The following CTNNA2 variants were observed in gnomAD, a reference collection of about 807,000 sequenced individuals.
CTNNA2 encodes the protein catenin alpha-2.
Under a neutral mutation model 101.0 loss-of-function variants are expected in CTNNA2, and 42 were observed. The ratio of observed to expected loss-of-function variants is 0.42; its 90% CI spans 0.32 to 0.54. CTNNA2 has a LOEUF of 0.54. Ranked by LOEUF, CTNNA2 falls within the 20% of genes least tolerant of loss-of-function variation. CTNNA2 has a pLI of 0.14. For synonymous variants in CTNNA2, 450 were observed against 456.4 expected, an observed-to-expected ratio of 0.99 and a Z score of 0.18; for missense variants, 871 against 1,223.1, an observed-to-expected ratio of 0.71 and a Z score of 4.29.
At chr2:80,375,562 CTTTTTTT>C (rs199662476) in intron 7 of CTNNA2, among the ~76,000 whole-genome samples, 2,947 of 105,600 alleles carry the variant, frequency 0.028, 99 homozygotes, top group East Asian at 0.15. Context: ...TTTCTGGCTT[CTTTTTTT>C]TTTTTTTTTT....
At chr2:79,942,599 G>C (rs1328387037) in intron 7 of CTNNA2, among the ~76,000 whole-genome samples, 2 of 152,136 alleles carry the variant, frequency 1.3e-5, no homozygotes, top group Non-Finnish European at 2.9e-5. Context: ...AGGAGGTCTT[G>C]CCAATAATAT....
chr2:80,244,993 ATTG>A (rs542408882), intron 7 of CTNNA2, among the ~76,000 whole-genome samples: 56 of 152,206 alleles, frequency 3.7e-4, no homozygotes, highest in Middle Eastern at 3.4e-3. Context: ...GGGCGTTTTT[ATTG>A]TTCAGACACT....
chr2:79,699,816 C>CAA lies in CTNNA2; in HGVS notation c.103-44570_103-44569insAA, dbSNP rs1223954847. On this transcript the variant is annotated intron_variant, in intron 2 of 18. Transcript: ENST00000402739. ...ACACACACACACACACACACACACA[C>CAA]ACACACACACACACACGTGTGTGTA... Among the ~76,000 whole-genome samples, 313 of 119,724 alleles carry CAA rather than the reference C, an allele frequency of 2.6e-3. 3 individuals are homozygous for CAA. Among genetic ancestry groups the CAA allele is most frequent in the African/African-American group, 8.2e-3 (279 of 34,124 alleles). 78.5% of individuals were successfully genotyped at this position (119,724 alleles called of 152,430 possible).
chr2:79,483,192 A>G (rs1056698190), intron 4 of CTNNA2, among the ~76,000 whole-genome samples: 4 of 152,238 alleles, frequency 2.6e-5, no homozygotes, highest in African/African-American at 9.6e-5. Flanking sequence ...GTGAAAAGAA[A>G]TATGTTGAGC....
Position 80,302,397 on chromosome 2 carries a change from G to C in CTNNA2, c.1057-90814G>C. On this transcript the variant is annotated intron_variant, in intron 7 of 18. Transcript: ENST00000402739. This position sits in a 1 kb window ranked among gnomAD's most constrained non-coding sequence, Gnocchi z 6.4. ...ATGGCAGCCATCTGATGCATGGTCT[G>C]TTTCTGCTTTTGCTTCCTGCGCTGC... The C allele has an allele frequency of 2.5e-6, 4 of 1,614,248 alleles. No individual in the cohort carries two copies. Among genetic ancestry groups the C allele is most frequent in the Non-Finnish European group, 3.4e-6 (4 of 1,180,040 alleles).
chr2:80,403,192 T>C (rs1443056837), intron 8 of CTNNA2, among the ~76,000 whole-genome samples: 5 of 152,226 alleles, frequency 3.3e-5, no homozygotes, highest in Non-Finnish European at 7.3e-5. Context: ...ACTGATTCTG[T>C]CTGTATTTAC....
At chr2:80,391,252 G>A (rs1677486580) in intron 7 of CTNNA2, among the ~76,000 whole-genome samples, 1 of 151,492 alleles carries the variant, frequency 6.6e-6, no homozygotes, top group South Asian at 2.1e-4. Context: ...TCTTCACTCT[G>A]TTCACACCAG....
intron 7 of CTNNA2, among the ~76,000 whole-genome samples, chr2:80,017,279 T>A (rs899183800): frequency 6.6e-6 from 1 of 152,064 alleles, no homozygotes. Flanking sequence ...CTAGTAGGTG[T>A]GCAACTAATA....
intron 2 of CTNNA2, among the ~76,000 whole-genome samples, chr2:79,741,923 G>A (rs1287446589): frequency 2.0e-5 from 3 of 152,084 alleles, no homozygotes; most frequent in African/African-American, 7.2e-5. Context: ...AGCTGATTAT[G>A]ACATGAGCCT....
intron 7 of CTNNA2, among the ~76,000 whole-genome samples, chr2:80,272,159 G>A (rs993148742): frequency 2.6e-5 from 4 of 152,146 alleles, no homozygotes; most frequent in African/African-American, 9.7e-5. Context: ...CCTTATAAAT[G>A]TATTATTCAT....
At chr2:79,475,093 T>G (rs554654014) in intron 4 of CTNNA2, among the ~76,000 whole-genome samples, 1,645 of 102,986 alleles carry the variant, frequency 0.016, 14 homozygotes, top group Middle Eastern at 0.039. Flanking sequence ...AAGTGAAGAC[T>G]CTGAGGAATT....
Position 80,417,129 on chromosome 2 carries a change from G to A in CTNNA2, c.1138-2320G>A, listed in dbSNP as rs2044303. Among the ~76,000 whole-genome samples, 195 of 151,524 alleles carry A rather than the reference G, an allele frequency of 1.3e-3. 2 individuals are homozygous for A. Among genetic ancestry groups the A allele is most frequent in the African/African-American group, 4.1e-3 (171 of 41,380 alleles). On this transcript the variant is annotated intron_variant, in intron 8 of 18. Coordinates refer to ENST00000402739, the MANE Select transcript of CTNNA2 (RefSeq NM_001282597.3). ...CATTATTTCAGATTGTAGGTTATTT[G>A]TTTAATTTTAAATTTTTAATTTTTC... is the stretch of plus-strand genomic sequence containing the variant.
intron 7 of CTNNA2, among the ~76,000 whole-genome samples, chr2:80,017,051 G>A (rs1247585256): frequency 6.6e-6 from 1 of 152,176 alleles, no homozygotes; most frequent in Non-Finnish European, 1.5e-5. Context: ...AAGCCTACAA[G>A]GCAAAAACGT....
At chr2:79,490,386 G>A (rs1262591816) in intron 4 of CTNNA2, among the ~76,000 whole-genome samples, 1 of 152,118 alleles carries the variant, frequency 6.6e-6, no homozygotes, top group African/African-American at 2.4e-5. Context: ...GTCATTGGAT[G>A]CTGCACATCC....
chr2:80,409,290 T>G (rs1679345836), intron 8 of CTNNA2, among the ~76,000 whole-genome samples: 1 of 151,974 alleles, frequency 6.6e-6, no homozygotes, highest in African/African-American at 2.4e-5. Context: ...AAGAGAATCT[T>G]TAAGTAATAA....
chr2:79,294,114 C>T (rs1208790077), intron 2 of CTNNA2, among the ~76,000 whole-genome samples: 3 of 151,798 alleles, frequency 2.0e-5, no homozygotes, highest in Non-Finnish European at 4.4e-5. Flanking sequence ...ATTAAGGTGC[C>T]AACTCTCTTT....
At chr2:80,438,465 G>C (rs79744578) in intron 9 of CTNNA2, among the ~76,000 whole-genome samples, 13 of 151,788 alleles carry the variant, frequency 8.6e-5, no homozygotes, top group Admixed American at 7.9e-4. Flanking sequence ...AAGGGAAGCA[G>C]AAATACTTTC....
intron 15 of CTNNA2, among the ~76,000 whole-genome samples, chr2:80,598,313 G>A (rs987739906): frequency 9.2e-5 from 14 of 152,240 alleles, no homozygotes; most frequent in African/African-American, 3.4e-4. Flanking sequence ...GGGTTGGGGA[G>A]CAAGGGAAGG....
chr2:80,337,644 G>A (rs547420210), intron 7 of CTNNA2, among the ~76,000 whole-genome samples: 4 of 152,050 alleles, frequency 2.6e-5, no homozygotes, highest in African/African-American at 9.6e-5. Flanking sequence ...TCTCCTGATT[G>A]TACCAAGGAG....
Sources: allele counts gnomAD v4.1 joint callset (sites outside exome capture counted in the v4.1 genomes callset), GRCh38; gene constraint gnomAD v4.1.1; non-coding constraint Gnocchi (gnomAD v3.1); transcripts MANE v1.5; gene names NCBI Gene and HGNC (gene_info 2026-07-23, HGNC 2026-07-21).